PCDHA6: variants seen among roughly 807,000 people sequenced by gnomAD.
PCDHA6 encodes protocadherin alpha 6.
A neutral mutation model predicts 60.3 loss-of-function variants in PCDHA6; 55 were observed. The ratio of observed to expected loss-of-function variants is 0.91; its 90% CI spans 0.73 to 1.14. PCDHA6 has a LOEUF of 1.14. Ranked by LOEUF, PCDHA6 falls within the 50% of genes most tolerant of loss-of-function variation. The pLI is 0.00. For missense variants in PCDHA6, 1,327 were observed against 1,256.5 expected (o/e 1.06, Z -0.85); for synonymous variants, 652 against 557.9 (o/e 1.17, Z -2.38).
chr5:140,965,168 T>C (rs1484687706), intron 1 of PCDHA6, among the ~76,000 whole-genome samples: 1 of 152,180 alleles, frequency 6.6e-6, no homozygotes, highest in Non-Finnish European at 1.5e-5. Context: ...GACGTTTTAG[T>C]GAGTGCTTTT....
chr5:141,000,924 G>C (rs375816680), intron 3 of PCDHA6, among the ~76,000 whole-genome samples: 97 of 152,046 alleles, frequency 6.4e-4, no homozygotes, highest in African/African-American at 2.2e-3. Context: ...AAAAAATCCT[G>C]TGTGATTTAG....
At chr5:140,889,273 T>C (rs1307102398) in intron 1 of PCDHA6, among the ~76,000 whole-genome samples, 3 of 152,054 alleles carry the variant, frequency 2.0e-5, no homozygotes, top group Admixed American at 6.5e-5. Flanking sequence ...GTATAATCTT[T>C]GAATTACTTC....
intron 1 of PCDHA6, among the ~76,000 whole-genome samples, chr5:140,919,699 C>T (rs946203919): frequency 3.3e-5 from 5 of 152,084 alleles, no homozygotes; most frequent in African/African-American, 1.2e-4. Context: ...TTTATATTAA[C>T]TTAATTCTAG....
chr5:140,856,128 G>A lies in PCDHA6; in HGVS notation c.2394+25643G>A, dbSNP rs1554148229. On this transcript the variant is annotated intron_variant, in intron 1 of 3. Coordinates refer to ENST00000529310, the MANE Select transcript of PCDHA6 (RefSeq NM_018909.4). ...CTCCTCGCAGCCTGGGAGGTGGGGA[G>A]CGGCCAGCTCCACTACTCAGTCTAC... The A allele has an allele frequency of 1.9e-6, 3 of 1,598,140 alleles. 1 individual carries two copies. The highest frequency in any genetic ancestry group is 2.6e-6 in the Non-Finnish European group (3 of 1,167,806).
At chr5:141,001,220 G>T (rs1554258038) in intron 3 of PCDHA6, among the ~76,000 whole-genome samples, 1 of 152,116 alleles carries the variant, frequency 6.6e-6, no homozygotes, top group African/African-American at 2.4e-5. Flanking sequence ...TATAAGGATA[G>T]TTACATTTAA....
chr5:140,948,547 A>G (rs1054072354), intron 1 of PCDHA6, among the ~76,000 whole-genome samples: 9 of 151,490 alleles, frequency 5.9e-5, no homozygotes, highest in Admixed American at 5.9e-4. Flanking sequence ...ATGCTCTGTC[A>G]ATTTTGTTAA....
Position 140,931,736 on chromosome 5 carries a change from G to T in PCDHA6, c.2395-47213G>T, listed in dbSNP as rs550065133. On this transcript the variant is annotated intron_variant, in intron 1 of 3. Transcript: ENST00000529310. ...TAACTTCTATAAATATGGGGTATTT[G>T]TAATTCACAAAGGCATTTGTTATTT... is the stretch of plus-strand genomic sequence containing the variant. Among the ~76,000 whole-genome samples, 307 of 152,008 alleles carry T rather than the reference G, an allele frequency of 2.0e-3. 3 individuals carry two copies. The highest frequency in any genetic ancestry group is 7.2e-3 in the African/African-American group (300 of 41,524).
chr5:140,883,032 C>T, intron 1 of PCDHA6: 1 of 1,614,064 alleles, frequency 6.2e-7, no homozygotes. Context: ...TTAGAGAACG[C>T]CTTCAATGGA....
chr5:140,869,541 G>A (rs1554163213), intron 1 of PCDHA6: 1 of 1,614,204 alleles, frequency 6.2e-7, no homozygotes, highest in East Asian at 2.2e-5. Flanking sequence ...CGGAATCTAA[G>A]CAATCGGACT....
At chr5:140,852,732 A>G (rs2042454290) in intron 1 of PCDHA6, 4 of 983,854 alleles carry the variant, frequency 4.1e-6, no homozygotes, top group Non-Finnish European at 3.7e-6. Flanking sequence ...TTCAAGTTTC[A>G]TGTGCCATTT....
chr5:140,929,080 A>G, intron 1 of PCDHA6: 1 of 1,614,180 alleles, frequency 6.2e-7, no homozygotes, highest in Non-Finnish European at 8.5e-7. Context: ...GTATGGAAGT[A>G]AGATGGTTTC....
At chr5:140,870,295 T>G (rs1037957284) in intron 1 of PCDHA6, 1 of 1,614,054 alleles carries the variant, frequency 6.2e-7, no homozygotes, top group Non-Finnish European at 8.5e-7. Context: ...CAAGCTGGTG[T>G]CCACCTTCAA....
intron 1 of PCDHA6, among the ~76,000 whole-genome samples, chr5:140,938,547 C>CTTTTA (rs59072362): frequency 0.32 from 48,749 of 151,290 alleles, 8,071 homozygotes; most frequent in East Asian, 0.53. Flanking sequence ...GATTTTTATC[C>CTTTTA]TTTTATTAAT....
intron 1 of PCDHA6, among the ~76,000 whole-genome samples, chr5:140,945,224 T>G (rs1563213002): frequency 6.6e-6 from 1 of 152,016 alleles, no homozygotes; most frequent in Admixed American, 6.6e-5. Flanking sequence ...ATAAAAATAC[T>G]TAGGAATAAA....
intron 1 of PCDHA6, chr5:140,968,722 T>A (rs1379540261): frequency 6.2e-7 from 1 of 1,613,728 alleles, no homozygotes; most frequent in Non-Finnish European, 8.5e-7. Context: ...GAGATGAGAG[T>A]GGTAGCACTT....
At chr5:140,857,138 G>A in intron 1 of PCDHA6, 2 of 1,598,300 alleles carry the variant, frequency 1.3e-6, no homozygotes, top group Non-Finnish European at 1.7e-6. Context: ...AGATGCTCAA[G>A]TGGGCACCGT....
chr5:140,990,895 G>A (rs550774822), intron 3 of PCDHA6, among the ~76,000 whole-genome samples: 15 of 152,284 alleles, frequency 9.9e-5, no homozygotes, highest in Non-Finnish European at 1.9e-4. Flanking sequence ...GTGGGTCGTT[G>A]CTGGGTCAAG....
intron 1 of PCDHA6, among the ~76,000 whole-genome samples, chr5:140,909,383 C>T (rs782249699): frequency 5.9e-5 from 9 of 152,202 alleles, no homozygotes; most frequent in Non-Finnish European, 1.3e-4. Flanking sequence ...GAAACCACAT[C>T]TAGTACAGCA....
chr5:141,008,526 G>A (rs2153997518), intron 3 of PCDHA6, among the ~76,000 whole-genome samples: 1 of 152,126 alleles, frequency 6.6e-6, no homozygotes, highest in Non-Finnish European at 1.5e-5. Flanking sequence ...TCAGACTCTT[G>A]GGAATGTCTT....
Sources: gnomAD v4.1 joint callset for allele counts (sites outside exome capture counted in the v4.1 genomes callset) on GRCh38, gnomAD v4.1.1 for gene constraint, MANE v1.5 for transcripts, NCBI Gene and HGNC (gene_info 2026-07-23, HGNC 2026-07-21) for gene names.